The following DCAF6 variants were observed in gnomAD, a reference collection of about 807,000 sequenced individuals.
The protein encoded by DCAF6 is DDB1 and CUL4 associated factor 6, also known as DDB1- and CUL4-associated factor 6.
Under a neutral mutation model 125.1 loss-of-function variants are expected in DCAF6, and 54 were observed. That is an observed-to-expected ratio of 0.43 (90% CI 0.35 to 0.54). The LOEUF (loss-of-function observed/expected upper bound fraction) is 0.54, where lower values mean the gene tolerates loss of function less well. DCAF6 is among the 20% of genes least tolerant of loss of function. The probability of loss-of-function intolerance (pLI) is 0.01; values close to 1 mark genes in which losing one functional copy is unlikely to be tolerated. For synonymous variants in DCAF6, 371 were observed against 390.4 expected (o/e 0.95, Z 0.58); for missense variants, 934 against 1,161.7 (o/e 0.80, Z 2.85).
At chr1:168,035,790 T>C (rs1572036749) in intron 12 of DCAF6, among the ~76,000 whole-genome samples, 1 of 152,236 alleles carries the variant, frequency 6.6e-6, no homozygotes. Context: ...AGGCCGGGCA[T>C]GGTGGCTCAT....
At chr1:167,883,695 C>T in the DCAF6 span, 1 of 1,451,356 alleles carries the variant, frequency 6.9e-7, no homozygotes, top group Non-Finnish European at 9.7e-7. Context: ...ACACCGCCCC[C>T]ACCTCATACC....
At chr1:168,048,363 A>G (rs2101827703) in intron 16 of DCAF6, among the ~76,000 whole-genome samples, 1 of 152,360 alleles carries the variant, frequency 6.6e-6, no homozygotes, top group South Asian at 2.1e-4. Flanking sequence ...CTTTATATGA[A>G]GAACTATATA....
intron 14 of DCAF6, 100 bp from the exon 15 acceptor site, chr1:168,044,485 A>C: frequency 2.6e-6 from 2 of 764,948 alleles, no homozygotes; most frequent in Non-Finnish European, 4.6e-6. Flanking sequence ...GCCATTATAT[A>C]TGAGGGACTT....
chr1:167,912,200 A>G, the DCAF6 span, among the ~76,000 whole-genome samples: 3 of 152,182 alleles, frequency 2.0e-5, no homozygotes, highest in African/African-American at 7.2e-5. Flanking sequence ...TTAAGAAATT[A>G]TTTTAGGCAG....
At chr1:168,049,186 C>T (rs996667344) in intron 16 of DCAF6, among the ~76,000 whole-genome samples, 1 of 151,924 alleles carries the variant, frequency 6.6e-6, no homozygotes, top group Non-Finnish European at 1.5e-5. Context: ...AAAAGCAAAA[C>T]AAAGCAAAAA....
At chr1:167,944,106 T>A (rs1672695735) in intron 1 of DCAF6, among the ~76,000 whole-genome samples, 1 of 152,218 alleles carries the variant, frequency 6.6e-6, no homozygotes, top group Non-Finnish European at 1.5e-5. Flanking sequence ...CCTCCCAAAG[T>A]GCTGGGATCA....
At chr1:168,001,891 G>A (rs375039546) in intron 7 of DCAF6, among the ~76,000 whole-genome samples, 3 of 152,148 alleles carry the variant, frequency 2.0e-5, no homozygotes, top group African/African-American at 7.2e-5. Flanking sequence ...TTCAGCTGAA[G>A]AAAATGATGT....
At chr1:167,967,468 A>G (rs1296714190) in intron 3 of DCAF6, among the ~76,000 whole-genome samples, 1 of 152,222 alleles carries the variant, frequency 6.6e-6, no homozygotes, top group Non-Finnish European at 1.5e-5. Context: ...TGATAAAGCT[A>G]TAAACAGCTG....
At chr1:167,936,660 G>A (rs1671261779), upstream of DCAF6, 1 of 435,846 alleles carries the variant, frequency 2.3e-6, no homozygotes, top group Non-Finnish European at 4.1e-6. Flanking sequence ...GGGGGCTGAG[G>A]GAGGAGACTG....
the DCAF6 span, among the ~76,000 whole-genome samples, chr1:167,866,780 CAA>C: frequency 1.5e-5 from 2 of 137,676 alleles, no homozygotes; most frequent in Admixed American, 7.2e-5. Flanking sequence ...TGGTTATCTT[CAA>C]AAAAAAAAAA....
the DCAF6 span, among the ~76,000 whole-genome samples, chr1:167,919,365 C>T: frequency 1.3e-5 from 2 of 152,192 alleles, no homozygotes; most frequent in Non-Finnish European, 2.9e-5. Context: ...TAAGAAGGAA[C>T]TTATTCCATG....
At chr1:167,900,644 T>C in the DCAF6 span, among the ~76,000 whole-genome samples, 5 of 152,162 alleles carry the variant, frequency 3.3e-5, no homozygotes, top group African/African-American at 1.2e-4. Context: ...GCAATTCTCC[T>C]GCCTCAGCCT....
At chr1:168,015,690 A>C in intron 10 of DCAF6, 91 bp from the exon 11 acceptor site, 2 of 1,173,958 alleles carry the variant, frequency 1.7e-6, no homozygotes, top group Non-Finnish European at 1.1e-6. Flanking sequence ...TGTTTTGTTT[A>C]TATCCTTCTT....
At chr1:167,961,751 T>C (rs1004960091) in intron 2 of DCAF6, among the ~76,000 whole-genome samples, 3 of 152,188 alleles carry the variant, frequency 2.0e-5, no homozygotes, top group African/African-American at 7.2e-5. Flanking sequence ...ACAGGTTGAG[T>C]GTCTTTAATT....
At chr1:167,904,141 G>A in the DCAF6 span, 10 of 579,582 alleles carry the variant, frequency 1.7e-5, no homozygotes, top group African/African-American at 9.6e-5. Context: ...AGGCTGGAGG[G>A]CAATGGTGTG....
At chr1:167,958,325 G>A (rs1392076733) in intron 2 of DCAF6, among the ~76,000 whole-genome samples, 1 of 150,698 alleles carries the variant, frequency 6.6e-6, no homozygotes, top group African/African-American at 2.4e-5. Context: ...ATAAAGTAGG[G>A]GTCCAAGGTG....
intron 11 of DCAF6, among the ~76,000 whole-genome samples, chr1:168,017,046 T>G (rs1166125873): frequency 6.6e-6 from 1 of 151,964 alleles, no homozygotes; most frequent in African/African-American, 2.4e-5. Flanking sequence ...AATATAGATA[T>G]GATGTTTGGG....
intron 10 of DCAF6, among the ~76,000 whole-genome samples, chr1:168,005,503 C>T (rs1406622755): frequency 6.6e-6 from 1 of 152,000 alleles, no homozygotes; most frequent in African/African-American, 2.4e-5. Context: ...TTACTCGGTA[C>T]TTTAAACTAT....
At chr1:167,937,164 C>T (rs1465169741) in intron 1 of DCAF6, 156 bp downstream of exon 1, 7 of 642,930 alleles carry the variant, frequency 1.1e-5, no homozygotes, top group Non-Finnish European at 1.9e-5. Flanking sequence ...AATTCCGTGC[C>T]GGTGCCTCCC....
Sources: gnomAD v4.1 joint callset for allele counts (sites outside exome capture counted in the v4.1 genomes callset) on GRCh38, gnomAD v4.1.1 for gene constraint, MANE v1.5 for transcripts, NCBI Gene and HGNC (gene_info 2026-07-23, HGNC 2026-07-21) for gene names.